Variants in SMIM18 observed in about 807,000 individuals in gnomAD.
The protein encoded by SMIM18 is small integral membrane protein 18.
A neutral mutation model predicts 5.9 loss-of-function variants in SMIM18; 4 were observed. That is an observed-to-expected ratio of 0.68 (90% CI 0.33 to 1.56). The LOEUF (loss-of-function observed/expected upper bound fraction) is 1.56. Among genes scored for constraint, SMIM18 ranks in the 40% most tolerant of loss-of-function variants. The probability of loss-of-function intolerance (pLI) is 0.06; values close to 1 mark genes in which losing one functional copy is unlikely to be tolerated. For synonymous variants in SMIM18, 37 were observed against 37.4 expected, an observed-to-expected ratio of 0.99 and a Z score of 0.04; for missense variants, 89 against 109.7, an observed-to-expected ratio of 0.81 and a Z score of 0.84.
Position 30,641,829 on chromosome 8 carries a change from T to C in SMIM18, c.-110-2663T>C, listed in dbSNP as rs138853832. On this transcript the variant is annotated intron_variant, in intron 1 of 2. Coordinates refer to ENST00000517349, the MANE Select transcript of SMIM18 (RefSeq NM_001206847.2). ...ATGCAGAGGTTGCAGTGAGTCAAGA[T>C]TGTGCCACTGCCATCCAGCCTGGGT... Among the ~76,000 whole-genome samples, 575 of 152,064 alleles carry C rather than the reference T, an allele frequency of 3.8e-3. 8 individuals are homozygous for C. The highest frequency in any genetic ancestry group is 0.012 in the African/African-American group (502 of 41,514).
intron 1 of SMIM18, among the ~76,000 whole-genome samples, chr8:30,639,705 A>G (rs976571788): frequency 1.3e-5 from 2 of 152,138 alleles, no homozygotes; most frequent in Non-Finnish European, 2.9e-5. Context: ...TATCGGACCT[A>G]AAGAGCCAGC....
At chr8:30,644,900 A>G (rs112419628) in intron 2 of SMIM18, among the ~76,000 whole-genome samples, 1,689 of 152,004 alleles carry the variant, frequency 0.011, 34 homozygotes, top group African/African-American at 0.038. Flanking sequence ...ATAGGCACAC[A>G]CCACCATGCC....
intron 1 of SMIM18, among the ~76,000 whole-genome samples, chr8:30,639,768 T>C (rs551487098): frequency 6.9e-6 from 1 of 144,834 alleles, no homozygotes; most frequent in African/African-American, 2.7e-5. Context: ...AGGGTTTTTG[T>C]TTTTTTTTTC....
intron 1 of SMIM18, among the ~76,000 whole-genome samples, chr8:30,640,676 G>A (rs7822088): frequency 0.34 from 51,160 of 151,992 alleles, 8,670 homozygotes; most frequent in African/African-American, 0.4. Flanking sequence ...AAACTAAGTC[G>A]CAGGATAGGA....
chr8:30,645,308 G>A lies in SMIM18; in HGVS notation c.-2G>A. 1 of 1,533,730 alleles carries A rather than the reference G, an allele frequency of 6.5e-7. No individual in the cohort carries two copies. The highest frequency in any genetic ancestry group is 8.7e-7 in the Non-Finnish European group (1 of 1,146,230). ...TCAAAAGAGCAAGTGGAATCTCTAA[G>A]AATGGCTTCCAGCCACTGGAATGAA... On this transcript the variant is annotated 5_prime_UTR_variant, in exon 3 of 3. Transcript: ENST00000517349.
intron 1 of SMIM18, among the ~76,000 whole-genome samples, chr8:30,642,767 G>T (rs1372253707): frequency 2.0e-5 from 3 of 152,142 alleles, no homozygotes; most frequent in African/African-American, 4.8e-5. Context: ...TGATTCAATT[G>T]TGTGAATAAA....
At chr8:30,640,653 C>T (rs1328550763) in intron 1 of SMIM18, among the ~76,000 whole-genome samples, 1 of 152,180 alleles carries the variant, frequency 6.6e-6, no homozygotes, top group East Asian at 1.9e-4. Flanking sequence ...TATAAACTTA[C>T]ATTTTAATTT....
Position 30,645,757 on chromosome 8 carries a change from T to G in SMIM18, c.*160T>G. 1.5e-6 allele frequency: 1 copy of G among 655,964 alleles called. No individual in the cohort carries two copies. Among genetic ancestry groups the G allele is most frequent in the Non-Finnish European group, 2.5e-6 (1 of 392,266 alleles). The allele number at this position is 655,964 out of a possible 1,614,324, so 40.6% of individuals were successfully genotyped here. A position where few individuals can be genotyped will look rare whatever the true frequency, so the allele number is the denominator to read the frequency against. On this transcript the variant is annotated 3_prime_UTR_variant, in exon 3 of 3. Coordinates refer to ENST00000517349, the MANE Select transcript of SMIM18 (RefSeq NM_001206847.2). ...AAAAAAGTTAAACATGCACTGTTTG[T>G]GTGTATAGCCATTTCATTAAATATA...
chr8:30,638,985 T>C (rs1184055618), intron 1 of SMIM18, among the ~76,000 whole-genome samples: 6 of 152,184 alleles, frequency 3.9e-5, no homozygotes, highest in Admixed American at 3.9e-4. Flanking sequence ...GTTTGGTCTG[T>C]CTTAACAAAG....
Position 30,645,657 on chromosome 8 carries a change from AT to A in SMIM18, c.*61del. On this transcript the variant is annotated 3_prime_UTR_variant, in exon 3 of 3. Transcript: ENST00000517349. ...AGCTCAACCTCTTCTGAGAAAAAAAATATATTCTGAGGCCAACTGTTGCTAC... is the reference window on the plus strand; with the variant it reads ...AGCTCAACCTCTTCTGAGAAAAAAAAATATTCTGAGGCCAACTGTTGCTAC... 2 of 1,444,292 alleles carry A rather than the reference AT, an allele frequency of 1.4e-6. No individual in the cohort carries two copies. Among genetic ancestry groups the A allele is most frequent in the Non-Finnish European group, 1.8e-6 (2 of 1,091,252 alleles). The allele number at this position is 1,444,292 out of a possible 1,614,324, so 89.5% of individuals were successfully genotyped here.
At chr8:30,643,111 A>G (rs1801910024) in intron 1 of SMIM18, among the ~76,000 whole-genome samples, 2 of 152,186 alleles carry the variant, frequency 1.3e-5, no homozygotes, top group African/African-American at 4.8e-5. Flanking sequence ...TAGAAAACAT[A>G]ATTTTATCAA....
rs1802039362 is a variant in SMIM18, at chr8:30,645,543, C to A, written c.234C>A (p.Asn78Lys). The change falls in exon 3 of 3, where the codon AAC (asparagine) becomes AAA (lysine). Residue 78 changes from asparagine to lysine, a missense_variant. Physicochemically the swap from Asn to Lys is moderately conservative, Grantham distance 94 (BLOSUM62 0). Transcript: ENST00000517349. ...TGAAAGACTTGAAAAGTGAACCCAA[C>A]CCTCTTAGAAGTATGATGGACAACA... ...KTVKDLKSEP[N>K]PLRSMMDNIR... The A allele has an allele frequency of 6.5e-7, 1 of 1,535,516 alleles. No individual in the cohort carries two copies. The highest frequency in any genetic ancestry group is 8.7e-7 in the Non-Finnish European group (1 of 1,146,898).
intron 1 of SMIM18, among the ~76,000 whole-genome samples, chr8:30,640,793 C>T (rs1433455042): frequency 6.6e-6 from 1 of 152,120 alleles, no homozygotes; most frequent in African/African-American, 2.4e-5. Flanking sequence ...CAACCTCTGC[C>T]GCCCAGGTTC....
intron 1 of SMIM18, among the ~76,000 whole-genome samples, chr8:30,641,641 C>T (rs1801835881): frequency 2.0e-5 from 3 of 152,122 alleles, no homozygotes; most frequent in Admixed American, 1.3e-4. Flanking sequence ...TTTTGGGAAG[C>T]CAAGGTGGGT....
chr8:30,643,116 T>A (rs1444341861), intron 1 of SMIM18, among the ~76,000 whole-genome samples: 1 of 152,160 alleles, frequency 6.6e-6, no homozygotes, highest in Non-Finnish European at 1.5e-5. Flanking sequence ...AACATAATTT[T>A]ATCAACCCCA....
chr8:30,645,194 C>G (rs970261642), intron 2 of SMIM18, 87 bp from the exon 3 acceptor site: 4 of 1,178,290 alleles, frequency 3.4e-6, no homozygotes, highest in Non-Finnish European at 4.6e-6. Flanking sequence ...GTTGCCTATA[C>G]AAATTTACTA....
In SMIM18 at chr8:30,645,564, C is replaced by T; in HGVS notation, c.255C>T (p.Asp85=). The change falls in exon 3 of 3, where the codon GAC becomes GAT. Residue 85 remains aspartate (D), a synonymous_variant. Coordinates refer to ENST00000517349, the MANE Select transcript of SMIM18 (RefSeq NM_001206847.2). ...SEPNPLRSMM[D]NIRKRETEVV ...CCAACCCTCTTAGAAGTATGATGGA[C>T]AACATCAGAAAACGTGAAACTGAAG... The T allele has an allele frequency of 6.5e-7, 1 of 1,535,496 alleles. No individual in the cohort carries two copies. The highest frequency in any genetic ancestry group is 8.7e-7 in the Non-Finnish European group (1 of 1,146,852).
chr8:30,645,820 T>C lies in SMIM18; in HGVS notation c.*223T>C, dbSNP rs1433459771. 1.9e-5 allele frequency: 9 copies of C among 461,794 alleles called. No individual in the cohort carries two copies. The South Asian group carries it at 2.9e-4, about 15-fold the overall frequency. 28.6% of individuals were successfully genotyped at this position (461,794 alleles called of 1,614,324 possible). On this transcript the variant is annotated 3_prime_UTR_variant, in exon 3 of 3. Transcript: ENST00000517349. ...ATGAATGTGAATTTACTAATCTGTTTAATACTGACACTTCAAAAACTGGAT... is the reference window on the plus strand; with the variant it reads ...ATGAATGTGAATTTACTAATCTGTTCAATACTGACACTTCAAAAACTGGAT...
Position 30,645,889 on chromosome 8 carries a change from G to T in SMIM18, c.*292G>T. On this transcript the variant is annotated 3_prime_UTR_variant, in exon 3 of 3. Transcript: ENST00000517349. ...AATATTAAGCAGCAAAAGATAAGCT[G>T]GAAAAGACAAGCAAGGCTAATGATG... The T allele has an allele frequency of 3.8e-6, 1 of 266,282 alleles. No individual in the cohort carries two copies. The highest frequency in any genetic ancestry group is 4.9e-5 in the Admixed American group (1 of 20,394). The allele number at this position is 266,282 out of a possible 1,614,324, so 16.5% of individuals were successfully genotyped here. A position where few individuals can be genotyped will look rare whatever the true frequency, so the allele number is the denominator to read the frequency against.
Sources: gnomAD v4.1 joint callset for allele counts (sites outside exome capture counted in the v4.1 genomes callset) on GRCh38, gnomAD v4.1.1 for gene constraint, MANE v1.5 for transcripts, NCBI Gene and HGNC (gene_info 2026-07-23, HGNC 2026-07-21) for gene names.